NRXN3: variants seen among roughly 807,000 people sequenced by gnomAD.
NRXN3 encodes neurexin III.
In NRXN3, 32 loss-of-function variants were observed where a neutral mutation model predicts 137.6. That is an observed-to-expected ratio of 0.23 (90% CI 0.18 to 0.31). The LOEUF is 0.31. Ranked by LOEUF, NRXN3 falls within the 10% of genes least tolerant of loss-of-function variation. The pLI is 1.00. For synonymous variants in NRXN3, 798 were observed against 784.5 expected, an observed-to-expected ratio of 1.02 and a Z score of -0.29; for missense variants, 1,574 against 2,062.5, an observed-to-expected ratio of 0.76 and a Z score of 4.59.
chr14:78,451,910 G>A (rs566804326), intron 4 of NRXN3, among the ~76,000 whole-genome samples: 1 of 152,300 alleles, frequency 6.6e-6, no homozygotes, highest in South Asian at 2.1e-4. Flanking sequence ...AACTCACCTA[G>A]TGTTGTCCTT....
intron 15 of NRXN3, among the ~76,000 whole-genome samples, chr14:79,329,834 A>G (rs866402350): frequency 2.1e-4 from 31 of 145,978 alleles, no homozygotes; most frequent in Middle Eastern, 3.5e-3. Context: ...AATTAACGTG[A>G]TCAAAAGAGT....
intron 19 of NRXN3, among the ~76,000 whole-genome samples, chr14:79,786,271 C>T (rs1019905868): frequency 1.3e-5 from 2 of 152,146 alleles, no homozygotes; most frequent in Non-Finnish European, 2.9e-5. Flanking sequence ...GATCCTTGCT[C>T]ATTTTCCCAA....
intron 2 of NRXN3, among the ~76,000 whole-genome samples, chr14:78,262,529 G>C (rs936511581): frequency 6.6e-6 from 1 of 152,118 alleles, no homozygotes; most frequent in Non-Finnish European, 1.5e-5. Flanking sequence ...CTTATTGCTC[G>C]AATAGCTGCA....
intron 15 of NRXN3, among the ~76,000 whole-genome samples, chr14:79,358,665 G>GAAAGAAAGAAAGAAAGAA: frequency 6.7e-6 from 1 of 149,936 alleles, no homozygotes; most frequent in Non-Finnish European, 1.5e-5. Flanking sequence ...AAGAAAGAAA[G>GAAAGAAAGAAAGAAAGAA]AAAGTGTCCT....
At chr14:78,893,665 A>G (rs2099165659) in intron 10 of NRXN3, among the ~76,000 whole-genome samples, 1 of 151,918 alleles carries the variant, frequency 6.6e-6, no homozygotes, top group Non-Finnish European at 1.5e-5. Context: ...TGTCTCATCT[A>G]ACACTCCAGG....
chr14:78,937,111 A>C (rs920340559), intron 10 of NRXN3, among the ~76,000 whole-genome samples: 3 of 150,272 alleles, frequency 2.0e-5, no homozygotes, highest in Non-Finnish European at 4.4e-5. Context: ...AATCCCAGCT[A>C]CTCGGGAGGC....
chr14:78,768,859 A>G (rs1281129104), intron 8 of NRXN3, among the ~76,000 whole-genome samples: 3 of 152,138 alleles, frequency 2.0e-5, no homozygotes, highest in African/African-American at 7.2e-5. Flanking sequence ...TTCTCCCAGC[A>G]TTTTCATCTA....
rs564165604 is a variant in NRXN3, at chr14:78,321,101, C to A, written c.757+23241C>A. ...ACTGCACTCCAGTCTGGTGACTGAG[C>A]GAGACTTCATTTCAAAAAAAAAAGA... On this transcript the variant is annotated intron_variant, in intron 4 of 20. Transcript: ENST00000335750. Among the ~76,000 whole-genome samples the A allele has an allele frequency of 2.0e-5, 3 of 150,474 alleles. No individual in the cohort carries two copies. The East Asian group carries it at 5.9e-4, about 30-fold the overall frequency.
chr14:79,338,757 T>G (rs1267693802), intron 15 of NRXN3, among the ~76,000 whole-genome samples: 1 of 152,230 alleles, frequency 6.6e-6, no homozygotes, highest in East Asian at 1.9e-4. Flanking sequence ...TCTTTCATTT[T>G]CAAGTATCTA....
intron 15 of NRXN3, among the ~76,000 whole-genome samples, chr14:79,348,727 A>G (rs1482311798): frequency 6.6e-6 from 1 of 152,176 alleles, no homozygotes; most frequent in Admixed American, 6.5e-5. Context: ...CAATATGGAA[A>G]TGAGCTGGGA....
intron 20 of NRXN3, among the ~76,000 whole-genome samples, chr14:79,836,163 T>TA: frequency 6.6e-6 from 1 of 152,300 alleles, no homozygotes; most frequent in East Asian, 1.9e-4. Flanking sequence ...TGAATGCTAC[T>TA]AATAGTTCAA....
At chr14:79,828,829 A>G (rs1337851607) in intron 20 of NRXN3, among the ~76,000 whole-genome samples, 1 of 152,058 alleles carries the variant, frequency 6.6e-6, no homozygotes, top group Non-Finnish European at 1.5e-5. Flanking sequence ...GACTCAAGAC[A>G]GCATACAAAT....
At chr14:79,755,857 C>T (rs1335656375) in intron 19 of NRXN3, among the ~76,000 whole-genome samples, 2 of 152,134 alleles carry the variant, frequency 1.3e-5, no homozygotes, top group Non-Finnish European at 2.9e-5. Flanking sequence ...ATAATCACCC[C>T]TTACTTTATC....
intron 4 of NRXN3, among the ~76,000 whole-genome samples, chr14:78,518,679 G>A (rs1001877982): frequency 9.2e-5 from 14 of 152,112 alleles, no homozygotes; most frequent in East Asian, 3.9e-4. Context: ...TCAATCAAAA[G>A]TCAGGCTTTT....
At chr14:78,817,084 A>G (rs960388214) in intron 10 of NRXN3, among the ~76,000 whole-genome samples, 17 of 152,208 alleles carry the variant, frequency 1.1e-4, no homozygotes, top group Non-Finnish European at 1.9e-4. Context: ...TGTGTAATTT[A>G]TCTCCTACAT....
chr14:78,416,854 C>T (rs2093167529), intron 4 of NRXN3, among the ~76,000 whole-genome samples: 2 of 152,188 alleles, frequency 1.3e-5, no homozygotes, highest in South Asian at 2.1e-4. Flanking sequence ...AAATGCCAAA[C>T]TTTACTCCAG....
intron 15 of NRXN3, among the ~76,000 whole-genome samples, chr14:79,255,723 G>T (rs1703618618): frequency 1.3e-5 from 2 of 152,216 alleles, no homozygotes; most frequent in South Asian, 4.1e-4. Flanking sequence ...CTCTGAAATT[G>T]TCACACATCA....
rs1223201657 is a variant in NRXN3 at position 78,651,249 on chromosome 14, T to C, written c.1144T>C (p.Tyr382His). ...YTMLGSDDFF[Y>H]VGGSPSTADL... ...CATGCTGGGCTCGGACGACTTCTTC[T>C]ATGTAGGAGGAAGCCCAAGTACCGC... The change falls in exon 6 of 21, where the codon TAT becomes CAT. Residue 382 changes from tyrosine to histidine, a missense_variant. This residue lies in a region of NRXN3 where 400 missense variants were observed against 527.3 expected (regional missense o/e 0.76). Transcript: ENST00000335750. 1.9e-6 allele frequency: 3 copies of C among 1,613,962 alleles called. No homozygotes were observed. The highest frequency in any genetic ancestry group is 2.2e-5 in the South Asian group (2 of 91,084).
At chr14:79,515,884 C>G (rs1425442568) in intron 16 of NRXN3, among the ~76,000 whole-genome samples, 2 of 152,178 alleles carry the variant, frequency 1.3e-5, no homozygotes, top group Non-Finnish European at 2.9e-5. Context: ...AAAGAGGTGG[C>G]TTCTTTCCCT....
Sources: gnomAD v4.1 joint callset for allele counts (sites outside exome capture counted in the v4.1 genomes callset) on GRCh38, gnomAD v4.1.1 for gene constraint, gnomAD v4.1.1 regional missense constraint, MANE v1.5 for transcripts, NCBI Gene and HGNC (gene_info 2026-07-23, HGNC 2026-07-21) for gene names.